Variants in IDO2 observed in about 807,000 individuals in gnomAD.
IDO2 encodes the protein indoleamine 2,3-dioxygenase 2, also known as indoleamine 2,3-dioxygenase-like 1 protein.
Under a neutral mutation model 45.1 loss-of-function variants are expected in IDO2, and 46 were observed. The ratio of observed to expected loss-of-function variants is 1.02; its 90% confidence interval spans 0.80 to 1.30. IDO2 has a LOEUF of 1.30. Ranked by LOEUF, IDO2 falls within the 50% of genes most tolerant of loss-of-function variation. The probability of loss-of-function intolerance (pLI) is 0.00; values close to 1 mark genes in which losing one functional copy is unlikely to be tolerated. For missense variants in IDO2, 544 were observed against 491.8 expected (o/e 1.11, Z -1.00); for synonymous variants, 218 against 184.9 (o/e 1.18, Z -1.45).
chr8:39,968,145 T>C (rs1263783427), intron 3 of IDO2, among the ~76,000 whole-genome samples: 1 of 151,602 alleles, frequency 6.6e-6, no homozygotes, highest in Non-Finnish European at 1.5e-5. Context: ...AACCAAATTA[T>C]AATAATTGTA....
At chr8:39,985,618 T>A (rs1168917391) in intron 6 of IDO2, 96 bp downstream of exon 6, 1 of 991,572 alleles carries the variant, frequency 1.0e-6, no homozygotes, top group African/African-American at 1.6e-5. Flanking sequence ...ATTATATGTA[T>A]AATATAATAT....
chr8:39,973,637 T>C (rs912174433), intron 3 of IDO2, among the ~76,000 whole-genome samples: 5 of 152,178 alleles, frequency 3.3e-5, no homozygotes, highest in Non-Finnish European at 7.3e-5. Flanking sequence ...CCAAGTTGTG[T>C]TAAAATGATA....
intron 9 of IDO2, among the ~76,000 whole-genome samples, chr8:40,006,952 C>A (rs1946170): frequency 6.6e-6 from 1 of 152,078 alleles, no homozygotes; most frequent in Non-Finnish European, 1.5e-5. Context: ...TGAGCCACCA[C>A]GTCTGGCTGA....
intron 7 of IDO2, 95 bp from the exon 8 acceptor site, chr8:39,989,626 G>T (rs1170388708): frequency 1.5e-5 from 13 of 847,032 alleles, no homozygotes; most frequent in Admixed American, 2.7e-5. Context: ...CAAACTGTCC[G>T]GTCCTCCCCT....
chr8:40,014,289 A>T (rs1431705970), intron 10 of IDO2, among the ~76,000 whole-genome samples: 1 of 152,210 alleles, frequency 6.6e-6, no homozygotes, highest in Non-Finnish European at 1.5e-5. Context: ...AGTGTCGTAG[A>T]TTCAAGTCAC....
intron 8 of IDO2, among the ~76,000 whole-genome samples, chr8:39,992,128 T>C: frequency 6.6e-6 from 1 of 152,256 alleles, no homozygotes; most frequent in East Asian, 1.9e-4. Context: ...CAGCGTGGCC[T>C]GGGCATTCCT....
intron 8 of IDO2, among the ~76,000 whole-genome samples, chr8:39,994,012 A>C (rs1317006701): frequency 1.3e-5 from 2 of 152,166 alleles, no homozygotes. Context: ...GTCCCCAAAA[A>C]AATAAATAAA....
At position 39,971,954 on chromosome 8, in the gene IDO2, G is replaced by A. The variant is rs188117815; in HGVS notation, c.196-7113G>A. On this transcript the variant is annotated intron_variant, in intron 3 of 10. Coordinates refer to ENST00000502986, the Ensembl canonical transcript of IDO2. Reference sequence around the variant, plus strand: ...CTCCCGAGTTCCTAGGATTATAGGTGCCTGCCACCATGCCCACCTAATTTT... The same window carrying A: ...CTCCCGAGTTCCTAGGATTATAGGTACCTGCCACCATGCCCACCTAATTTT... Among the ~76,000 whole-genome samples the A allele has an allele frequency of 2.0e-4, 31 of 152,144 alleles. No homozygotes were observed. The East Asian group carries it at 6.0e-3, about 29-fold the overall frequency.
chr8:40,006,824 C>T (rs1026196156), intron 9 of IDO2, among the ~76,000 whole-genome samples: 13 of 152,012 alleles, frequency 8.6e-5, no homozygotes, highest in African/African-American at 3.1e-4. Flanking sequence ...CCAAGCCTGG[C>T]TAATTCTTGT....
At chr8:39,945,884 A>G (rs758263601) in intron 1 of IDO2, among the ~76,000 whole-genome samples, 1 of 152,220 alleles carries the variant, frequency 6.6e-6, no homozygotes, top group Non-Finnish European at 1.5e-5. Flanking sequence ...AGCTGTCCTT[A>G]TTCATTCCCG....
chr8:39,995,940 G>A (rs1183412911), intron 8 of IDO2, among the ~76,000 whole-genome samples: 1 of 152,082 alleles, frequency 6.6e-6, no homozygotes, highest in Non-Finnish European at 1.5e-5. Flanking sequence ...TAGCGTCAGT[G>A]CCTAGAAAAG....
At chr8:40,005,091 A>C (rs1442579748) in intron 8 of IDO2, among the ~76,000 whole-genome samples, 1 of 152,224 alleles carries the variant, frequency 6.6e-6, no homozygotes, top group Non-Finnish European at 1.5e-5. Flanking sequence ...AGTACAGAGA[A>C]AGGAAGAACC....
At chr8:39,978,547 G>T (rs548801514) in intron 3 of IDO2, among the ~76,000 whole-genome samples, 1 of 152,236 alleles carries the variant, frequency 6.6e-6, no homozygotes, top group South Asian at 2.1e-4. Context: ...ATGGAGGGCG[G>T]GGGTGGAGGG....
intron 8 of IDO2, among the ~76,000 whole-genome samples, chr8:40,002,287 G>A (rs1220776507): frequency 2.0e-5 from 3 of 152,056 alleles, no homozygotes; most frequent in African/African-American, 7.2e-5. Flanking sequence ...TAAAATGAAT[G>A]GGTGTGTTTT....
At chr8:39,984,924 C>CTTAT (rs57793815) in intron 5 of IDO2, 182,783 of 410,658 alleles carry the variant, frequency 0.45, 42,078 homozygotes, top group South Asian at 0.48. Flanking sequence ...AGTGAAATAA[C>CTTAT]TTATTTATTT....
chr8:39,978,358 G>A (rs1808293101), intron 3 of IDO2, among the ~76,000 whole-genome samples: 1 of 152,240 alleles, frequency 6.6e-6, no homozygotes, highest in South Asian at 2.1e-4. Context: ...GAAGAGGCGA[G>A]CAGAGGGGAC....
intron 8 of IDO2, among the ~76,000 whole-genome samples, chr8:39,996,687 T>C (rs955297790): frequency 6.6e-6 from 1 of 152,190 alleles, no homozygotes; most frequent in South Asian, 2.1e-4. Flanking sequence ...CAGCTGGGAA[T>C]TACAGGCATG....
chr8:40,013,422 C>T, intron 9 of IDO2, 143 bp from the exon 10 acceptor site: 1 of 756,912 alleles, frequency 1.3e-6, no homozygotes, highest in East Asian at 2.5e-5. Flanking sequence ...AGTACTTACC[C>T]TACAAAGATA....
chr8:39,954,910 G>T (rs1461836904), intron 2 of IDO2, among the ~76,000 whole-genome samples: 1 of 151,554 alleles, frequency 6.6e-6, no homozygotes, highest in African/African-American at 2.4e-5. Flanking sequence ...GCGCACCTCG[G>T]CCTCTCAAAG....
Sources: gnomAD v4.1 joint callset for allele counts (sites outside exome capture counted in the v4.1 genomes callset) on GRCh38, gnomAD v4.1.1 for gene constraint, MANE v1.5 for transcripts, NCBI Gene and HGNC (gene_info 2026-07-23, HGNC 2026-07-21) for gene names.